IVNS1ABP: variants seen among roughly 807,000 people sequenced by gnomAD.
IVNS1ABP encodes the protein influenza virus NS1A-binding protein.
A neutral mutation model predicts 78.9 loss-of-function variants in IVNS1ABP; 25 were observed. The observed-to-expected ratio is 0.32, with a 90% CI of 0.23 to 0.44. The LOEUF is 0.44. IVNS1ABP is among the 20% of genes least tolerant of loss of function. IVNS1ABP has a pLI of 1.00. For synonymous variants in IVNS1ABP, 241 were observed against 259.7 expected (o/e 0.93, Z 0.69); for missense variants, 494 against 768.9 (o/e 0.64, Z 4.23).
chr1:185,316,731 C>T (rs1247592153), intron 1 of IVNS1ABP, among the ~76,000 whole-genome samples: 1 of 152,222 alleles, frequency 6.6e-6, no homozygotes, highest in Non-Finnish European at 1.5e-5. Flanking sequence ...TCTCGGCCGC[C>T]AACGCAACTT....
chr1:185,306,460 A>G, intron 7 of IVNS1ABP: 1 of 1,288,608 alleles, frequency 7.8e-7, no homozygotes, highest in Non-Finnish European at 1.0e-6. Flanking sequence ...CTTTAAAGAC[A>G]AGAATCCTGT....
In IVNS1ABP at chr1:185,300,272, T is replaced by A; in HGVS notation, c.1314A>T (p.Ser438=). 2 of 1,613,438 alleles carry A rather than the reference T, an allele frequency of 1.2e-6. No individual in the cohort carries two copies. The highest frequency in any genetic ancestry group is 1.3e-5 in the African/African-American group (1 of 75,028). The change falls in exon 12 of 15, where the codon TCA becomes TCT. Residue 438 remains serine (S), a synonymous_variant. Transcript: ENST00000367498. ...GAACAGGAATCCAGTCATCTATGTTTGAATCATACATCTCTCCACAACTCA... is the reference window on the plus strand; with the variant it reads ...GAACAGGAATCCAGTCATCTATGTTAGAATCATACATCTCTCCACAACTCA... ...DDLSCGEMYD[S]NIDDWIPVPE...
In IVNS1ABP at chr1:185,298,367, T is replaced by A; in HGVS notation, c.1676-79A>T. On this transcript the variant is annotated intron_variant, in intron 14 of 14. Transcript: ENST00000367498. This position sits in a 1 kb window ranked among gnomAD's most constrained non-coding sequence, Gnocchi z 4.1. Reference sequence around the variant, plus strand: ...AACTCCCCTAAATCTGTCTTTTGCTTAAAAATCAGTGGTTTTAAAAATAGA... The same window carrying A: ...AACTCCCCTAAATCTGTCTTTTGCTAAAAAATCAGTGGTTTTAAAAATAGA... 1.5e-6 allele frequency: 2 copies of A among 1,311,628 alleles called. No individual in the cohort carries two copies. Among genetic ancestry groups the A allele is most frequent in the African/African-American group, 1.5e-5 (1 of 67,026 alleles). 81.2% of individuals were successfully genotyped at this position (1,311,628 alleles called of 1,614,324 possible).
In IVNS1ABP at chr1:185,308,907, A is replaced by G. The variant is rs1232978262; in HGVS notation, c.282-32T>C. On this transcript the variant is annotated intron_variant, in intron 4 of 14. Transcript: ENST00000367498. ...AAAAAAAAAGTTACTTATGATACCA[A>G]AGCCTTAAAACACACTTAATTTAAA... is the stretch of plus-strand genomic sequence containing the variant. 2.5e-6 allele frequency: 4 copies of G among 1,585,348 alleles called. No homozygotes were observed. In the African/African-American group the frequency reaches 5.4e-5, roughly 22 times the overall value.
intron 8 of IVNS1ABP, among the ~76,000 whole-genome samples, chr1:185,303,233 C>T (rs1286665796): frequency 1.3e-5 from 2 of 152,046 alleles, no homozygotes; most frequent in African/African-American, 4.8e-5. Context: ...GGCCCAAAAG[C>T]AATGCCTAAT....
intron 8 of IVNS1ABP, among the ~76,000 whole-genome samples, chr1:185,302,859 C>T (rs1295415360): frequency 2.0e-5 from 3 of 151,958 alleles, no homozygotes; most frequent in Admixed American, 2.0e-4. Flanking sequence ...CAAGGCAATA[C>T]AACTAAAATA....
chr1:185,308,953 A>G, intron 4 of IVNS1ABP, 50 bp downstream of exon 4: 2 of 1,583,634 alleles, frequency 1.3e-6, no homozygotes, highest in Non-Finnish European at 1.7e-6. Context: ...AAGACTTGGA[A>G]TTTTCTGAAG....
chr1:185,299,986 A>C lies in IVNS1ABP; in HGVS notation c.1501+13T>G. ...AGGTCTTTAAAAAAAAAAAGGAAAA[A>C]AAATCAACTTACGAATGTTAAGAGG... On this transcript the variant is annotated intron_variant, in intron 13 of 14. Coordinates refer to ENST00000367498, the MANE Select transcript of IVNS1ABP (RefSeq NM_006469.5). 6.2e-7 allele frequency: 1 copy of C among 1,607,368 alleles called. No individual in the cohort carries two copies.
At position 185,297,941 on chromosome 1, in the gene IVNS1ABP, A is replaced by G. The variant is rs1665461991; in HGVS notation, c.*94T>C. 8.1e-7 allele frequency: 1 copy of G among 1,239,740 alleles called. No homozygotes were observed. Among genetic ancestry groups the G allele is most frequent in the Non-Finnish European group, 1.1e-6 (1 of 875,226 alleles). 76.8% of individuals were successfully genotyped at this position (1,239,740 alleles called of 1,614,324 possible). ...AAAGCTTTGTGTTGCTGTTAGCAAC[A>G]TCTATACCCACCCACCCTCTTTATT... is the stretch of plus-strand genomic sequence containing the variant. On this transcript the variant is annotated 3_prime_UTR_variant, in exon 15 of 15. Coordinates refer to ENST00000367498, the MANE Select transcript of IVNS1ABP (RefSeq NM_006469.5).
At chr1:185,306,333 G>C (rs1162872287) in intron 7 of IVNS1ABP, 1 of 514,580 alleles carries the variant, frequency 1.9e-6, no homozygotes, top group Non-Finnish European at 3.0e-6. Context: ...TGCTCCACCT[G>C]CGTGTTTTCA....
At chr1:185,310,574 G>T (rs1665859560) in intron 2 of IVNS1ABP, among the ~76,000 whole-genome samples, 1 of 152,126 alleles carries the variant, frequency 6.6e-6, no homozygotes, top group Non-Finnish European at 1.5e-5. Flanking sequence ...CTGTACTCCA[G>T]CCTGGGCAAC....
Position 185,301,080 on chromosome 1 carries a change from T to G in IVNS1ABP, c.1012A>C (p.Ser338Arg). 1 of 1,613,526 alleles carries G rather than the reference T, an allele frequency of 6.2e-7. No individual in the cohort carries two copies. The highest frequency in any genetic ancestry group is 8.5e-7 in the Non-Finnish European group (1 of 1,179,674). The change falls in exon 10 of 15, where the codon AGC (serine) becomes CGC (arginine). Residue 338 changes from serine (S) to arginine (R), a missense_variant. Coordinates refer to ENST00000367498, the MANE Select transcript of IVNS1ABP (RefSeq NM_006469.5). ...TSTPKLSKSL[S>R]FEMQQDELIE... ...AGCTCATCTTGTTGCATCTCAAAGC[T>G]TAAACTCTTACTTAGTTTTGGAGTA...
At position 185,298,170 on chromosome 1, in the gene IVNS1ABP, AT is replaced by A; in HGVS notation, c.1793del (p.Asn598MetfsTer7). ...TGTTCCCTACAGTTGCAATCCCAGC[AT>A]TGCTCCTTGGTGAAGTCATATTTCC... ...MMGNMTSPRS[N>X]AGIATVGNTI... On this transcript the variant is annotated frameshift_variant, in exon 15 of 15. Coordinates refer to ENST00000367498, the MANE Select transcript of IVNS1ABP (RefSeq NM_006469.5). LOFTEE classifies it high-confidence loss of function. The surrounding 1 kb of genome is among the most constrained non-coding windows in gnomAD (Gnocchi z 4.1). 1 of 1,613,882 alleles carries A rather than the reference AT, an allele frequency of 6.2e-7. No individual in the cohort carries two copies. Among genetic ancestry groups the A allele is most frequent in the Non-Finnish European group, 8.5e-7 (1 of 1,179,830 alleles).
At chr1:185,303,796 G>T (rs1350836903) in intron 8 of IVNS1ABP, among the ~76,000 whole-genome samples, 1 of 151,954 alleles carries the variant, frequency 6.6e-6, no homozygotes, top group South Asian at 2.1e-4. Flanking sequence ...AAGGGTCCAA[G>T]GCAACAATTT....
chr1:185,304,279 G>C (rs1665679383), intron 8 of IVNS1ABP, among the ~76,000 whole-genome samples: 1 of 152,014 alleles, frequency 6.6e-6, no homozygotes, highest in Non-Finnish European at 1.5e-5. Flanking sequence ...GAACATTATG[G>C]CCTGCCACTT....
At position 185,316,933 on chromosome 1, in the gene IVNS1ABP, G is replaced by T. The variant is rs1288735304; in HGVS notation, c.-247+20C>A. On this transcript the variant is annotated intron_variant, in intron 1 of 14. Transcript: ENST00000367498. ...GCGCCGTCTCCCTCATCTGTCGTTC[G>T]TAGAACCAGCGCGTATTACCTGGTT... 2 of 398,300 alleles carry T rather than the reference G, an allele frequency of 5.0e-6. No individual in the cohort carries two copies. Among genetic ancestry groups the T allele is most frequent in the Non-Finnish European group, 8.8e-6 (2 of 225,998 alleles). 24.7% of individuals were successfully genotyped at this position (398,300 alleles called of 1,614,324 possible). A position where few individuals can be genotyped will look rare whatever the true frequency, so the allele number is the denominator to read the frequency against.
chr1:185,307,892 A>G (rs1295684760), intron 5 of IVNS1ABP: 9 of 1,496,478 alleles, frequency 6.0e-6, no homozygotes, highest in East Asian at 2.5e-5. Context: ...TTGAAATGCT[A>G]TGTAAGTTCA....
At chr1:185,300,931 C>T (rs768819759) in intron 10 of IVNS1ABP, 41 bp downstream of exon 10, 1 of 1,496,502 alleles carries the variant, frequency 6.7e-7, no homozygotes, top group Admixed American at 1.8e-5. Context: ...CACAAAAATG[C>T]CCATCTACAT....
chr1:185,306,051 T>C, intron 7 of IVNS1ABP: 1 of 172,976 alleles, frequency 5.8e-6, no homozygotes, highest in Non-Finnish European at 1.2e-5. Context: ...TGCATAAACA[T>C]ATTTCCTTCC....
Sources: gnomAD v4.1 joint callset for allele counts (sites outside exome capture counted in the v4.1 genomes callset) on GRCh38, gnomAD v4.1.1 for gene constraint, Gnocchi (gnomAD v3.1) non-coding constraint, MANE v1.5 for transcripts, NCBI Gene and HGNC (gene_info 2026-07-23, HGNC 2026-07-21) for gene names.